The following ZNF879 variants were observed in gnomAD, a reference collection of about 807,000 sequenced individuals.
ZNF879 encodes zinc finger protein 879.
In ZNF879, 32 loss-of-function variants were observed where a neutral mutation model predicts 44.3. The ratio of observed to expected loss-of-function variants is 0.72; its 90% CI spans 0.54 to 0.97. The LOEUF (loss-of-function observed/expected upper bound fraction) is 0.97. ZNF879 is among the 50% of genes least tolerant of loss of function. The pLI is 0.00. For missense variants in ZNF879, 621 were observed against 669.7 expected (o/e 0.93, Z 0.80); for synonymous variants, 234 against 233.2 (o/e 1.00, Z -0.03).
At position 179,033,359 on chromosome 5, in the gene ZNF879, G is replaced by A. The variant is rs753251132; in HGVS notation, c.1411G>A (p.Val471Ile). ...AAAAGCCTTCAGTTCCCACTCAGGC[G>A]TTAATACTCATCGAAAAATTCATAC... The part of the protein sequence containing the change: ...CGKAFSSHSG[V>I]NTHRKIHTGE... The change falls in exon 5 of 5, where the codon GTT becomes ATT. Residue 471 changes from valine (V) to isoleucine (I), a missense_variant. Transcript: ENST00000444149. The A allele has an allele frequency of 2.9e-5, 46 of 1,562,438 alleles. No homozygotes were observed. The highest frequency in any genetic ancestry group is 8.2e-5 in the South Asian group (7 of 85,236).
chr5:179,027,626 A>G, intron 3 of ZNF879, 27 bp downstream of exon 3: 1 of 1,611,642 alleles, frequency 6.2e-7, no homozygotes, highest in South Asian at 1.1e-5. Flanking sequence ...CTGATGCAGA[A>G]TCTGCCAGGA....
rs1352088813 is a variant in ZNF879, at chr5:179,033,631, T to G, written c.1683T>G (p.Thr561=). ...QSSSLTNHQR[T]HN is the part of the protein sequence containing the mutation. ...CATCTCTTACTAATCATCAAAGGAC[T>G]CATAATTGAGAAAAACTGTATAAAT... Residue 561 remains threonine (T), a synonymous_variant, in exon 5 of 5, where the codon ACT becomes ACG. Transcript: ENST00000444149. The G allele has an allele frequency of 1.3e-6, 2 of 1,501,146 alleles. No individual in the cohort carries two copies. The highest frequency in any genetic ancestry group is 2.7e-5 in the South Asian group (2 of 75,246). 93.0% of individuals were successfully genotyped at this position (1,501,146 alleles called of 1,614,324 possible).
In ZNF879 at chr5:179,033,407, A is replaced by G. The variant is rs573807618; in HGVS notation, c.1459A>G (p.Asn487Asp). The change falls in exon 5 of 5, where the codon AAT becomes GAT. Residue 487 changes from asparagine to aspartate, a missense_variant. Coordinates refer to ENST00000444149, the MANE Select transcript of ZNF879 (RefSeq NM_001136116.3). ...IHTGEKPYKC[N>D]DCEKAFNQSS... ...TACTGGAGAAAAACCTTATAAATGTAATGACTGTGAGAAAGCCTTCAACCA... is the reference window on the plus strand; with the variant it reads ...TACTGGAGAAAAACCTTATAAATGTGATGACTGTGAGAAAGCCTTCAACCA... 2.6e-6 allele frequency: 4 copies of G among 1,558,642 alleles called. No individual in the cohort carries two copies. In the South Asian group the frequency reaches 3.5e-5, roughly 14 times the overall value.
chr5:179,032,177 A>G, intron 4 of ZNF879, 28 bp from the exon 5 acceptor site: 1 of 1,442,916 alleles, frequency 6.9e-7, no homozygotes, highest in African/African-American at 1.4e-5. Context: ...TGAGTTCAAG[A>G]GAGACTTATA....
Position 179,032,639 on chromosome 5 carries a change from C to T in ZNF879, c.691C>T (p.Leu231Phe), listed in dbSNP as rs1761453572. Residue 231 changes from leucine (L) to phenylalanine (F), a missense_variant, in exon 5 of 5, where the codon CTC becomes TTC. Physicochemically the swap from Leu to Phe is conservative, Grantham distance 22 (BLOSUM62 0). Coordinates refer to ENST00000444149, the MANE Select transcript of ZNF879 (RefSeq NM_001136116.3). ...CCAGAGAATCCACACTGGAGAGAAG[C>T]TCTATAAATGTAAGGAATGTAGGAA... The part of the protein sequence containing the change: ...KHQRIHTGEK[L>F]YKCKECRKAF... 2 of 1,569,190 alleles carry T rather than the reference C, an allele frequency of 1.3e-6. No homozygotes were observed. The highest frequency in any genetic ancestry group is 1.7e-6 in the Non-Finnish European group (2 of 1,157,150).
chr5:179,025,861 G>A (rs532384383), intron 2 of ZNF879, among the ~76,000 whole-genome samples: 2 of 152,032 alleles, frequency 1.3e-5, no homozygotes, highest in South Asian at 4.2e-4. Context: ...GGGTTGAAGC[G>A]AGCGGAGATC....
intron 2 of ZNF879, among the ~76,000 whole-genome samples, chr5:179,025,309 T>G (rs1041168368): frequency 6.6e-6 from 1 of 151,020 alleles, no homozygotes; most frequent in Non-Finnish European, 1.5e-5. Flanking sequence ...AGCCTCAACC[T>G]CCCTGGTAGC....
At chr5:179,026,099 A>AAAAAAAAG (rs1561733145) in intron 2 of ZNF879, among the ~76,000 whole-genome samples, 2 of 148,688 alleles carry the variant, frequency 1.3e-5, no homozygotes, top group African/African-American at 2.5e-5. Flanking sequence ...AAAAAAAAAA[A>AAAAAAAAG]AAACAAAGAA....
At chr5:179,029,133 C>G (rs538859623) in intron 4 of ZNF879, among the ~76,000 whole-genome samples, 1 of 147,612 alleles carries the variant, frequency 6.8e-6, no homozygotes, top group African/African-American at 2.5e-5. Flanking sequence ...CTGCATTGTC[C>G]AAACTGCTCC....
At chr5:179,028,779 T>G (rs1761341842) in intron 4 of ZNF879, among the ~76,000 whole-genome samples, 1 of 152,230 alleles carries the variant, frequency 6.6e-6, no homozygotes, top group Non-Finnish European at 1.5e-5. Context: ...CTTGGATGAC[T>G]GCATTATCAG....
In ZNF879 at chr5:179,025,623, C is replaced by T. The variant is rs117900315; in HGVS notation, c.33+586C>T. On this transcript the variant is annotated intron_variant, in intron 2 of 4. Coordinates refer to ENST00000444149, the MANE Select transcript of ZNF879 (RefSeq NM_001136116.3). ...AAGACACGGAGGAGTTAAATAATTC[C>T]TTCCTAACACGGGGAATTTGAAAAA... is the stretch of plus-strand genomic sequence containing the variant. Among the ~76,000 whole-genome samples the T allele has an allele frequency of 2.4e-4, 37 of 152,308 alleles. No homozygotes were observed. The East Asian group carries it at 6.6e-3, about 27-fold the overall frequency.
chr5:179,034,153 A>G lies in ZNF879; in HGVS notation c.*513A>G, dbSNP rs1761518505. ...AAAGCAGATTCTGCACTTCATGGTA[A>G]AGACTTTGAATTGTTTCTCTGCTTT... On this transcript the variant is annotated 3_prime_UTR_variant, in exon 5 of 5. Transcript: ENST00000444149. The G allele has an allele frequency of 6.6e-6, 1 of 152,496 alleles. No individual in the cohort carries two copies. Among genetic ancestry groups the G allele is most frequent in the African/African-American group, 2.4e-5 (1 of 41,474 alleles). The allele number at this position is 152,496 out of a possible 1,614,324, so 9.4% of individuals were successfully genotyped here. A position where few individuals can be genotyped will look rare whatever the true frequency, so the allele number is the denominator to read the frequency against.
chr5:179,033,289 CAG>C lies in ZNF879; in HGVS notation c.1343_1344del (p.Arg448AsnfsTer9). On this transcript the variant is annotated frameshift_variant, in exon 5 of 5. Coordinates refer to ENST00000444149, the MANE Select transcript of ZNF879 (RefSeq NM_001136116.3). LOFTEE classifies it high-confidence loss of function. Reference protein sequence around the residue: ...SWISRLNIHHRIHTGEKPYNC... With the variant: ...SWISRLNIHHXIHTGEKPYNC... ...GGATTTCACGGCTTAATATACATCA[CAG>C]AATTCACACTGGAGAGAAACCATAT... 6.3e-7 allele frequency: 1 copy of C among 1,578,454 alleles called. No homozygotes were observed. The highest frequency in any genetic ancestry group is 8.6e-7 in the Non-Finnish European group (1 of 1,162,152).
In ZNF879 at chr5:179,023,862, T is replaced by A. The variant is rs1405686633; in HGVS notation, c.-78T>A. Reference sequence around the variant, plus strand: ...TGAATTAGGTGTTCCGCTCGCCTCTTGTGCGGTGTGGAGCTGCGCGCCCCC... The same window carrying A: ...TGAATTAGGTGTTCCGCTCGCCTCTAGTGCGGTGTGGAGCTGCGCGCCCCC... On this transcript the variant is annotated 5_prime_UTR_variant, in exon 1 of 5. Coordinates refer to ENST00000444149, the MANE Select transcript of ZNF879 (RefSeq NM_001136116.3). 6.6e-6 allele frequency: 1 copy of A among 152,288 alleles called. No homozygotes were observed. Among genetic ancestry groups the A allele is most frequent in the Non-Finnish European group, 1.5e-5 (1 of 68,064 alleles). 9.4% of individuals were successfully genotyped at this position (152,288 alleles called of 1,614,324 possible). A position where few individuals can be genotyped will look rare whatever the true frequency, so the allele number is the denominator to read the frequency against.
At chr5:179,025,416 C>T (rs1384982365) in intron 2 of ZNF879, among the ~76,000 whole-genome samples, 3 of 152,044 alleles carry the variant, frequency 2.0e-5, no homozygotes, top group Non-Finnish European at 4.4e-5. Context: ...TCTTGAACTC[C>T]TGACCTCAAG....
chr5:179,027,742 G>T (rs1761309672), intron 3 of ZNF879, 143 bp downstream of exon 3: 4 of 1,132,170 alleles, frequency 3.5e-6, no homozygotes, highest in Non-Finnish European at 4.9e-6. Flanking sequence ...TGTATGGAGA[G>T]ACCTTGGCTT....
intron 4 of ZNF879, among the ~76,000 whole-genome samples, chr5:179,031,909 G>A (rs1017063913): frequency 6.6e-6 from 1 of 152,156 alleles, no homozygotes; most frequent in Non-Finnish European, 1.5e-5. Flanking sequence ...GGGAGATGAC[G>A]CTGAGGGACA....
rs570290107 is a variant in ZNF879, at chr5:179,023,836, C to G, written c.-104C>G. 1.8e-3 allele frequency: 278 copies of G among 152,400 alleles called. 1 individual carries two copies. The highest frequency in any genetic ancestry group is 6.3e-3 in the African/African-American group (262 of 41,598). The allele number at this position is 152,400 out of a possible 1,614,324, so 9.4% of individuals were successfully genotyped here. On this transcript the variant is annotated 5_prime_UTR_variant, in exon 1 of 5. Coordinates refer to ENST00000444149, the MANE Select transcript of ZNF879 (RefSeq NM_001136116.3). Reference sequence around the variant, plus strand: ...CGCCCGGCAGCGACGGGAAACGTCTCTGAATTAGGTGTTCCGCTCGCCTCT... The same window carrying G: ...CGCCCGGCAGCGACGGGAAACGTCTGTGAATTAGGTGTTCCGCTCGCCTCT...
At position 179,033,874 on chromosome 5, in the gene ZNF879, T is replaced by A; in HGVS notation, c.*234T>A. 1 of 376,372 alleles carries A rather than the reference T, an allele frequency of 2.7e-6. No individual in the cohort carries two copies. The highest frequency in any genetic ancestry group is 4.7e-6 in the Non-Finnish European group (1 of 211,786). The allele number at this position is 376,372 out of a possible 1,614,324, so 23.3% of individuals were successfully genotyped here. On this transcript the variant is annotated 3_prime_UTR_variant, in exon 5 of 5. Coordinates refer to ENST00000444149, the MANE Select transcript of ZNF879 (RefSeq NM_001136116.3). ...AGTTATTACCATGAAATGGAGAATT[T>A]TTAAGATTGCAGGGTTAGTATTTGA...
Sources: allele counts gnomAD v4.1 joint callset (sites outside exome capture counted in the v4.1 genomes callset), GRCh38; gene constraint gnomAD v4.1.1; transcripts MANE v1.5; gene names NCBI Gene and HGNC (gene_info 2026-07-23, HGNC 2026-07-21).